PRKCZ: variants seen among roughly 807,000 people sequenced by gnomAD.
PRKCZ encodes protein kinase C zeta.
PRKCZ carries 33 observed loss-of-function variants against 79.5 expected under a neutral mutation model. The ratio of observed to expected loss-of-function variants is 0.41; its 90% CI spans 0.31 to 0.55. PRKCZ has a LOEUF of 0.55. Among genes scored for constraint, PRKCZ ranks in the 20% least tolerant of loss-of-function variants. PRKCZ has a pLI of 0.19. For missense variants in PRKCZ, 578 were observed against 813.5 expected (o/e 0.71, Z 3.52); for synonymous variants, 342 against 320.9 (o/e 1.07, Z -0.70).
Position 2,063,083 on chromosome 1 carries a change from T to C in PRKCZ, c.334+3492T>C, listed in dbSNP as rs369917125. On this transcript the variant is annotated intron_variant, in intron 4 of 17. Coordinates refer to ENST00000378567, the MANE Select transcript of PRKCZ (RefSeq NM_002744.6). ...GCACCATGTCCTCAAGGCGCAGCCA[T>C]GCGTAGCCTGTGTCACAGTCTCCTT... Among the ~76,000 whole-genome samples the C allele has an allele frequency of 1.5e-3, 232 of 152,244 alleles. 2 individuals carry two copies. Among genetic ancestry groups the C allele is most frequent in the African/African-American group, 5.2e-3 (217 of 41,548 alleles).
rs1673717958 is a variant in PRKCZ at position 2,125,617 on chromosome 1, C to T, written c.335-9645C>T. Reference sequence around the variant, plus strand: ...GGGTCCCCGTGGCCCCTGACATGCTCCCAGGGAACCCAAGAAAAGACTGAG... The same window carrying T: ...GGGTCCCCGTGGCCCCTGACATGCTTCCAGGGAACCCAAGAAAAGACTGAG... On this transcript the variant is annotated intron_variant, in intron 4 of 17. Coordinates refer to ENST00000378567, the MANE Select transcript of PRKCZ (RefSeq NM_002744.6). The surrounding 1 kb of genome is among the most constrained non-coding windows in gnomAD (Gnocchi z 4.2). Among the ~76,000 whole-genome samples, 1 of 152,216 alleles carries T rather than the reference C, an allele frequency of 6.6e-6. No homozygotes were observed. Among genetic ancestry groups the T allele is most frequent in the African/African-American group, 2.4e-5 (1 of 41,460 alleles).
At position 2,125,407 on chromosome 1, in the gene PRKCZ, A is replaced by T. The variant is rs1008239651; in HGVS notation, c.335-9855A>T. ...GACTGTTGGAATGTAATTCCTTCCC[A>T]AACATCTCTCAGGGGCACTTTCCTG... On this transcript the variant is annotated intron_variant, in intron 4 of 17. Transcript: ENST00000378567. This position sits in a 1 kb window ranked among gnomAD's most constrained non-coding sequence, Gnocchi z 4.2. 2.0e-5 allele frequency among the ~76,000 whole-genome samples: 3 copies of T among 152,216 alleles called. No individual in the cohort carries two copies. Among genetic ancestry groups the T allele is most frequent in the Non-Finnish European group, 4.4e-5 (3 of 68,036 alleles).
chr1:2,179,272 A>T (rs1200210489), intron 16 of PRKCZ, among the ~76,000 whole-genome samples: 1 of 152,166 alleles, frequency 6.6e-6, no homozygotes, highest in Non-Finnish European at 1.5e-5. Flanking sequence ...GCCGTGGGGA[A>T]GTTGCTGGGC....
Position 2,184,669 on chromosome 1 carries a change from C to T in PRKCZ, c.1662C>T (p.Ser554=), listed in dbSNP as rs140890348. The T allele has an allele frequency of 1.5e-5, 24 of 1,613,836 alleles. No individual in the cohort carries two copies. The highest frequency in any genetic ancestry group is 5.5e-5 in the South Asian group (5 of 91,024). ...ACAACTTTGACACACAGTTCACCAG[C>T]GAGCCCGTGCAGCTGACCCCAGACG... is the stretch of plus-strand genomic sequence containing the variant. ...GLDNFDTQFT[S]EPVQLTPDDE... The change falls in exon 17 of 18, where the codon AGC becomes AGT. Residue 554 remains serine, a synonymous_variant. Coordinates refer to ENST00000378567, the MANE Select transcript of PRKCZ (RefSeq NM_002744.6).
rs1245722171 is a variant in PRKCZ, at chr1:2,184,409, G to A, written c.1576-174G>A. 6.9e-6 allele frequency: 4 copies of A among 577,422 alleles called. No individual in the cohort carries two copies. In the African/African-American group the frequency reaches 7.5e-5, roughly 11 times the overall value. The allele number at this position is 577,422 out of a possible 1,614,324, so 35.8% of individuals were successfully genotyped here. A position where few individuals can be genotyped will look rare whatever the true frequency, so the allele number is the denominator to read the frequency against. ...CTCGACAACAATTTTTCTGACTTTG[G>A]ATATTTTCTAGATTTTGTGTTGTAA... On this transcript the variant is annotated intron_variant, in intron 16 of 17. Transcript: ENST00000378567.
intron 4 of PRKCZ, among the ~76,000 whole-genome samples, chr1:2,080,751 C>T (rs1237659134): frequency 2.6e-5 from 4 of 152,164 alleles, no homozygotes; most frequent in African/African-American, 9.7e-5. Flanking sequence ...TCCCAGGATC[C>T]CGTCCAGGGC....
intron 4 of PRKCZ, among the ~76,000 whole-genome samples, chr1:2,121,686 ACGGTG>A (rs1672047106): frequency 2.2e-4 from 2 of 8,922 alleles, no homozygotes; most frequent in African/African-American, 3.2e-4. Context: ...GGTTAGGGTC[ACGGTG>A]GTGGTTAGGG....
At chr1:2,150,028 G>A (rs1397815428) in intron 8 of PRKCZ, among the ~76,000 whole-genome samples, 1 of 151,656 alleles carries the variant, frequency 6.6e-6, no homozygotes, top group Non-Finnish European at 1.5e-5. Flanking sequence ...TGGGCGTGGT[G>A]GCGGGCGCCT....
rs796546418 is a variant in PRKCZ, at chr1:2,122,915, T to C, written c.335-12347T>C. Among the ~76,000 whole-genome samples the C allele has an allele frequency of 1.7e-3, 19 of 10,904 alleles. 5 individuals carry two copies. The highest frequency in any genetic ancestry group is 0.024 in the Middle Eastern group (1 of 42). 7.2% of individuals were successfully genotyped at this position (10,904 alleles called of 152,430 possible). A position where few individuals can be genotyped will look rare whatever the true frequency, so the allele number is the denominator to read the frequency against. On this transcript the variant is annotated intron_variant, in intron 4 of 17. Transcript: ENST00000378567. ...GTCACGGTGGTAGTTAGGGTCACGGTGGTGGTTAGGGTCACGGCGGTGGTT... is the reference window on the plus strand; with the variant it reads ...GTCACGGTGGTAGTTAGGGTCACGGCGGTGGTTAGGGTCACGGCGGTGGTT...
intron 4 of PRKCZ, among the ~76,000 whole-genome samples, chr1:2,073,042 G>T (rs190672511): frequency 1.3e-5 from 2 of 152,272 alleles, no homozygotes; most frequent in East Asian, 1.9e-4. Context: ...CAGGGTAGGG[G>T]TTGGAGGGTC....
chr1:2,083,935 T>C (rs1209920084), intron 4 of PRKCZ, among the ~76,000 whole-genome samples: 1 of 152,208 alleles, frequency 6.6e-6, no homozygotes, highest in African/African-American at 2.4e-5. Context: ...GCGTGTGTTT[T>C]AAAAATCGTA....
chr1:2,115,272 T>C (rs894354375), intron 4 of PRKCZ, among the ~76,000 whole-genome samples: 3 of 152,238 alleles, frequency 2.0e-5, no homozygotes, highest in Admixed American at 2.0e-4. Flanking sequence ...ACGTCTTATG[T>C]ATCCACCCTC....
Position 2,127,394 on chromosome 1 carries a change from G to GC in PRKCZ, c.335-7860dup, listed in dbSNP as rs560988755. On this transcript the variant is annotated intron_variant, in intron 4 of 17. Coordinates refer to ENST00000378567, the MANE Select transcript of PRKCZ (RefSeq NM_002744.6). The surrounding 1 kb of genome is among the most constrained non-coding windows in gnomAD (Gnocchi z 5.1). ...CAGATGGAGGGGCTGCACCTCCACT[G>GC]CCCCCCCCACCGCCGCCCCTGCCCC... Among the ~76,000 whole-genome samples, 573 of 151,342 alleles carry GC rather than the reference G, an allele frequency of 3.8e-3. 10 individuals are homozygous for GC. The East Asian group carries it at 0.065, about 17-fold the overall frequency.
chr1:2,086,212 C>T (rs1439787471), intron 4 of PRKCZ, among the ~76,000 whole-genome samples: 1 of 152,208 alleles, frequency 6.6e-6, no homozygotes, highest in South Asian at 2.1e-4. Context: ...CAGGCTCCTG[C>T]CACCACGCCC....
intron 4 of PRKCZ, among the ~76,000 whole-genome samples, chr1:2,062,072 G>A (rs1036732652): frequency 6.6e-6 from 1 of 152,108 alleles, no homozygotes; most frequent in African/African-American, 2.4e-5. Flanking sequence ...TGGTTCAGAC[G>A]GCTGGACGTG....
intron 4 of PRKCZ, among the ~76,000 whole-genome samples, chr1:2,113,610 C>T (rs1023789902): frequency 6.6e-6 from 1 of 152,190 alleles, no homozygotes; most frequent in Non-Finnish European, 1.5e-5. Flanking sequence ...GGGGTGCAGC[C>T]TGCCTGTCTG....
intron 11 of PRKCZ, among the ~76,000 whole-genome samples, chr1:2,170,315 C>T (rs920313455): frequency 6.6e-6 from 1 of 152,200 alleles, no homozygotes; most frequent in African/African-American, 2.4e-5. Context: ...CGTTTGGGGG[C>T]TTATTTCAGC....
intron 4 of PRKCZ, among the ~76,000 whole-genome samples, chr1:2,080,473 C>T (rs1180961760): frequency 6.6e-6 from 1 of 150,664 alleles, no homozygotes; most frequent in Non-Finnish European, 1.5e-5. Flanking sequence ...ATGCTGCCCC[C>T]CGTGCGACCT....
At chr1:2,079,973 G>A (rs1036356285) in intron 4 of PRKCZ, among the ~76,000 whole-genome samples, 1 of 152,170 alleles carries the variant, frequency 6.6e-6, no homozygotes, top group Non-Finnish European at 1.5e-5. Context: ...GGTGAGGAAG[G>A]GGGTCTGGGG....
Sources: gnomAD v4.1 joint callset for allele counts (sites outside exome capture counted in the v4.1 genomes callset) on GRCh38, gnomAD v4.1.1 for gene constraint, Gnocchi (gnomAD v3.1) non-coding constraint, MANE v1.5 for transcripts, NCBI Gene and HGNC (gene_info 2026-07-23, HGNC 2026-07-21) for gene names.